The following CLVS1 variants were observed in gnomAD, a reference collection of about 807,000 sequenced individuals.
The protein encoded by CLVS1 is clavesin-1.
CLVS1 carries 10 observed loss-of-function variants against 33.1 expected under a neutral mutation model. The observed-to-expected ratio is 0.30, with a 90% CI of 0.19 to 0.51. The LOEUF (loss-of-function observed/expected upper bound fraction) is 0.51. Ranked by LOEUF, CLVS1 falls within the 20% of genes least tolerant of loss-of-function variation. The pLI is 0.97. For missense variants in CLVS1, 343 were observed against 433.4 expected, an observed-to-expected ratio of 0.79 and a Z score of 1.85; for synonymous variants, 163 against 166.1, an observed-to-expected ratio of 0.98 and a Z score of 0.14.
chr8:61,374,926 T>C (rs973958891), intron 2 of CLVS1, among the ~76,000 whole-genome samples: 2 of 152,172 alleles, frequency 1.3e-5, no homozygotes, highest in African/African-American at 4.8e-5. Flanking sequence ...AGAAGAACTA[T>C]ACAGAAACAG....
intron 2 of CLVS1, among the ~76,000 whole-genome samples, chr8:61,363,370 G>A (rs148549232): frequency 1.2e-3 from 180 of 152,306 alleles, no homozygotes; most frequent in East Asian, 9.5e-3. Flanking sequence ...CCACTTTGAA[G>A]GGAATGTACG....
chr8:61,376,293 G>A (rs771578307), intron 2 of CLVS1, among the ~76,000 whole-genome samples: 5 of 152,204 alleles, frequency 3.3e-5, no homozygotes, highest in Middle Eastern at 3.2e-3. Flanking sequence ...ATGGGTAAGG[G>A]ATGCATTTCA....
chr8:61,263,654 A>G (rs1809251034), intron 2 of CLVS1, among the ~76,000 whole-genome samples: 1 of 152,228 alleles, frequency 6.6e-6, no homozygotes, highest in African/African-American at 2.4e-5. Flanking sequence ...ATAATGCAGC[A>G]TACTAGGTGT....
At chr8:61,475,429 C>G (rs188316709) in intron 5 of CLVS1, among the ~76,000 whole-genome samples, 384 of 152,324 alleles carry the variant, frequency 2.5e-3, no homozygotes, top group Admixed American at 3.7e-3. Flanking sequence ...AAAAGTCTTC[C>G]TATTTCTCCA....
intron 2 of CLVS1, among the ~76,000 whole-genome samples, chr8:61,205,319 C>G (rs754498661): frequency 7.2e-5 from 11 of 152,154 alleles, no homozygotes; most frequent in Non-Finnish European, 1.5e-4. Context: ...CCCCTCTCCC[C>G]CTCACTCCTG....
intron 2 of CLVS1, among the ~76,000 whole-genome samples, chr8:61,224,517 G>C (rs565604417): frequency 1.8e-4 from 27 of 152,170 alleles, no homozygotes; most frequent in Non-Finnish European, 3.7e-4. Flanking sequence ...ACTCAAGAAG[G>C]CTAGAGAACA....
intron 1 of CLVS1, among the ~76,000 whole-genome samples, chr8:61,072,738 A>T (rs1386797486): frequency 6.6e-6 from 1 of 152,210 alleles, no homozygotes; most frequent in East Asian, 1.9e-4. Flanking sequence ...CCCACTTCCC[A>T]GCTCACACTC....
intron 2 of CLVS1, among the ~76,000 whole-genome samples, chr8:61,224,875 C>T (rs1808294945): frequency 6.6e-6 from 1 of 152,214 alleles, no homozygotes; most frequent in South Asian, 2.1e-4. Flanking sequence ...TACAAAGAGG[C>T]TCAGACTCTC....
chr8:61,271,002 G>A (rs1385769556), intron 2 of CLVS1, among the ~76,000 whole-genome samples: 1 of 148,460 alleles, frequency 6.7e-6, no homozygotes, highest in African/African-American at 2.5e-5. Context: ...GGTTTTTTGT[G>A]TCTCTATTTC....
At chr8:61,076,679 A>T (rs189285328) in intron 1 of CLVS1, among the ~76,000 whole-genome samples, 1 of 152,196 alleles carries the variant, frequency 6.6e-6, no homozygotes, top group Admixed American at 6.5e-5. Flanking sequence ...AGATGCTTCC[A>T]TTTGTGGTAA....
At chr8:61,131,724 T>C (rs1806102330) in intron 1 of CLVS1, 1 of 151,782 alleles carries the variant, frequency 6.6e-6, no homozygotes, top group Admixed American at 6.6e-5. Flanking sequence ...TTTAAGTGAG[T>C]GCTGTTTTTT....
chr8:61,086,441 C>G (rs1585599444), intron 1 of CLVS1, among the ~76,000 whole-genome samples: 1 of 152,234 alleles, frequency 6.6e-6, no homozygotes, highest in Admixed American at 6.5e-5. Context: ...CAAACATTTT[C>G]CAAATATTGC....
chr8:61,173,643 C>T (rs1807054349), intron 2 of CLVS1, among the ~76,000 whole-genome samples: 1 of 152,160 alleles, frequency 6.6e-6, no homozygotes, highest in East Asian at 1.9e-4. Flanking sequence ...ATGATTATCA[C>T]AGCATATTGC....
At chr8:61,478,426 C>A (rs1818047896) in intron 5 of CLVS1, among the ~76,000 whole-genome samples, 1 of 152,156 alleles carries the variant, frequency 6.6e-6, no homozygotes, top group Non-Finnish European at 1.5e-5. Context: ...GTGTTGAAGT[C>A]TCCCATTATT....
intron 1 of CLVS1, among the ~76,000 whole-genome samples, chr8:61,128,264 C>A (rs762342985): frequency 1.3e-5 from 2 of 152,170 alleles, no homozygotes; most frequent in Non-Finnish European, 2.9e-5. Flanking sequence ...TCCAGGAAGT[C>A]CCTGCAGCAA....
intron 2 of CLVS1, among the ~76,000 whole-genome samples, chr8:61,143,013 A>C (rs1215578703): frequency 6.6e-6 from 1 of 152,238 alleles, no homozygotes; most frequent in African/African-American, 2.4e-5. Context: ...AGATGAGTTA[A>C]ATTGTTTTCT....
At chr8:61,069,141 A>AT (rs1362776780) in intron 1 of CLVS1, among the ~76,000 whole-genome samples, 1 of 151,614 alleles carries the variant, frequency 6.6e-6, no homozygotes, top group Non-Finnish European at 1.5e-5. Flanking sequence ...TAATTTTGTA[A>AT]TTTTTTAGTA....
upstream of CLVS1, among the ~76,000 whole-genome samples, chr8:61,054,420 T>C (rs767905527): frequency 6.6e-6 from 1 of 152,216 alleles, no homozygotes; most frequent in Non-Finnish European, 1.5e-5. Flanking sequence ...AGGGAACTGC[T>C]GCAGGCTTGG....
At chr8:61,270,450 A>T (rs1809413229) in intron 2 of CLVS1, among the ~76,000 whole-genome samples, 1 of 152,214 alleles carries the variant, frequency 6.6e-6, no homozygotes, top group Non-Finnish European at 1.5e-5. Context: ...ATCAATGTTC[A>T]TCAAGGATAT....
Sources: allele counts gnomAD v4.1 joint callset (sites outside exome capture counted in the v4.1 genomes callset), GRCh38; gene constraint gnomAD v4.1.1; transcripts MANE v1.5; gene names NCBI Gene and HGNC (gene_info 2026-07-23, HGNC 2026-07-21).